The following CENATAC variants were observed in gnomAD, a reference collection of about 807,000 sequenced individuals.
The protein encoded by CENATAC is coiled-coil domain containing 84.
CENATAC carries 53 observed loss-of-function variants against 53.7 expected under a neutral mutation model. The observed-to-expected ratio is 0.99, with a 90% CI of 0.79 to 1.24. CENATAC has a LOEUF of 1.24. CENATAC is among the 50% of genes most tolerant of loss of function. The pLI is 0.00. For missense variants in CENATAC, 474 were observed against 417.8 expected, an observed-to-expected ratio of 1.13 and a Z score of -1.17; for synonymous variants, 156 against 144.6, an observed-to-expected ratio of 1.08 and a Z score of -0.57.
At chr11:118,998,677 C>T (rs947502069) in intron 2 of CENATAC, 84 bp downstream of exon 2, 81 of 1,463,114 alleles carry the variant, frequency 5.5e-5, no homozygotes, top group Non-Finnish European at 6.8e-5. Context: ...AAAAAGGACG[C>T]TTTTGTGATT....
rs782705067 is a variant in CENATAC, at chr11:119,015,341, C to T, written c.840C>T (p.Asp280=). The T allele has an allele frequency of 1.2e-6, 2 of 1,613,902 alleles. No individual in the cohort carries two copies. The highest frequency in any genetic ancestry group is 1.3e-5 in the African/African-American group (1 of 75,026). ...AGAAGTTGAAAAAACTCCCCCCAGACCGAGTTGGGGCCAACTTTGATCACA... is the reference window on the plus strand; with the variant it reads ...AGAAGTTGAAAAAACTCCCCCCAGATCGAGTTGGGGCCAACTTTGATCACA... ...EKQKLKKLPP[D]RVGANFDHSS... The change falls in exon 10 of 11, where the codon GAC becomes GAT. Residue 280 remains aspartate, a synonymous_variant. Transcript: ENST00000334418.
rs554114123 is a variant in CENATAC at position 118,998,320 on chromosome 11, G to A, written c.120+3G>A. On this transcript the variant is annotated splice_donor_region_variant and intron_variant, in intron 1 of 10. Coordinates refer to ENST00000334418, the MANE Select transcript of CENATAC (RefSeq NM_198489.3). Reference sequence around the variant, plus strand: ...CTTTGGAGAGGCTCCTGCCCCAGGTGCGGAGGCAAGGCTAGAGATGGGATG... The same window carrying A: ...CTTTGGAGAGGCTCCTGCCCCAGGTACGGAGGCAAGGCTAGAGATGGGATG... The A allele has an allele frequency of 6.2e-7, 1 of 1,610,390 alleles. No homozygotes were observed. Among genetic ancestry groups the A allele is most frequent in the South Asian group, 1.1e-5 (1 of 90,520 alleles).
intron 7 of CENATAC, chr11:119,012,550 A>C: frequency 1.5e-5 from 4 of 261,920 alleles, no homozygotes; most frequent in African/African-American, 2.2e-5. Context: ...AACCCCCACC[A>C]CTCCTATATT....
At chr11:119,013,210 T>C in intron 7 of CENATAC, 22 bp from the exon 8 acceptor site, 14 of 1,598,234 alleles carry the variant, frequency 8.8e-6, no homozygotes, top group Non-Finnish European at 1.2e-5. Context: ...ACTAGCACTT[T>C]TTTTCCCATT....
intron 3 of CENATAC, chr11:118,999,319 G>A (rs1352953581): frequency 2.0e-6 from 1 of 510,474 alleles, no homozygotes; most frequent in Non-Finnish European, 3.5e-6. Flanking sequence ...AGCAAATAGA[G>A]AACAATACTA....
At position 119,013,353 on chromosome 11, in the gene CENATAC, T is replaced by C; in HGVS notation, c.715+91T>C. On this transcript the variant is annotated intron_variant, in intron 8 of 10. Transcript: ENST00000334418. Reference sequence around the variant, plus strand: ...GTTCTGTCGCCAGGCTGGAGTGCAGTGGCGCAATCTCAGCTCGCTGCAACC... The same window carrying C: ...GTTCTGTCGCCAGGCTGGAGTGCAGCGGCGCAATCTCAGCTCGCTGCAACC... 3 of 944,596 alleles carry C rather than the reference T, an allele frequency of 3.2e-6. No homozygotes were observed. The South Asian group carries it at 4.5e-5, about 14-fold the overall frequency. The allele number at this position is 944,596 out of a possible 1,614,324, so 58.5% of individuals were successfully genotyped here.
chr11:119,012,949 T>C, intron 7 of CENATAC: 1 of 370,576 alleles, frequency 2.7e-6, no homozygotes, highest in Non-Finnish European at 4.8e-6. Flanking sequence ...TCCCCAATTA[T>C]ATGTATGCTG....
At position 119,012,146 on chromosome 11, in the gene CENATAC, C is replaced by G. The variant is rs369511504; in HGVS notation, c.579-3C>G. On this transcript the variant is annotated splice_polypyrimidine_tract_variant and splice_region_variant and intron_variant, in intron 6 of 10. Transcript: ENST00000334418. The stretch of plus-strand genomic sequence containing the variant: ...ATCTGGCAGCCTGGCTCATGTTTTT[C>G]AGCCAAGTAGCTTCCAGCTTACAGC... The G allele has an allele frequency of 1.9e-6, 3 of 1,614,166 alleles. No individual in the cohort carries two copies. The highest frequency in any genetic ancestry group is 3.3e-5 in the Admixed American group (2 of 60,010).
chr11:119,012,592 C>T (rs1942921752), intron 7 of CENATAC: 1 of 227,644 alleles, frequency 4.4e-6, no homozygotes, highest in Non-Finnish European at 8.8e-6. Flanking sequence ...CTTTCCTTTT[C>T]CATCTCCCAT....
Position 119,015,332 on chromosome 11 carries a change from C to T in CENATAC, c.831C>T (p.Leu277=). 6.2e-7 allele frequency: 1 copy of T among 1,612,794 alleles called. No individual in the cohort carries two copies. ...AGGAAAAACAGAAGTTGAAAAAACT[C>T]CCCCCAGACCGAGTTGGGGCCAACT... ...KEKEKQKLKK[L]PPDRVGANFD... Residue 277 remains leucine (L), a synonymous_variant, in exon 10 of 11, where the codon CTC becomes CTT. Transcript: ENST00000334418.
At chr11:119,011,073 C>CGGCAGT in intron 4 of CENATAC, 148 bp from the exon 5 acceptor site, 1 of 680,464 alleles carries the variant, frequency 1.5e-6, no homozygotes, top group Non-Finnish European at 2.5e-6. Context: ...GGAGCTCAGG[C>CGGCAGT]GGCAGTGCTG....
chr11:118,998,653 T>G, intron 2 of CENATAC, 60 bp downstream of exon 2: 2 of 1,516,666 alleles, frequency 1.3e-6, no homozygotes, highest in East Asian at 4.9e-5. Context: ...GGAGGAGGGT[T>G]TGGGGTGGGT....
chr11:119,013,304 T>C (rs781973945), intron 8 of CENATAC, 42 bp downstream of exon 8: 16 of 1,550,490 alleles, frequency 1.0e-5, no homozygotes, highest in Non-Finnish European at 1.2e-5. Flanking sequence ...GGGAGATTTT[T>C]TTTTTTTTTT....
intron 3 of CENATAC, among the ~76,000 whole-genome samples, chr11:119,007,481 C>CT (rs1291775323): frequency 6.6e-6 from 1 of 151,910 alleles, no homozygotes; most frequent in Non-Finnish European, 1.5e-5. Context: ...CTAATCTGGC[C>CT]TTTTTATTTA....
rs1168793966 is a variant in CENATAC, at chr11:119,015,681, G to C, written c.*83G>C. 2 of 1,435,110 alleles carry C rather than the reference G, an allele frequency of 1.4e-6. No homozygotes were observed. The highest frequency in any genetic ancestry group is 1.4e-5 in the African/African-American group (1 of 70,822). 88.9% of individuals were successfully genotyped at this position (1,435,110 alleles called of 1,614,324 possible). A position where few individuals can be genotyped will look rare whatever the true frequency, so the allele number is the denominator to read the frequency against. On this transcript the variant is annotated 3_prime_UTR_variant, in exon 11 of 11. Coordinates refer to ENST00000334418, the MANE Select transcript of CENATAC (RefSeq NM_198489.3). ...ACCTTCCACCAAATTCTTTATCATT[G>C]TCTTTCTTAGGAAACAGACATACTC...
intron 3 of CENATAC, among the ~76,000 whole-genome samples, chr11:119,000,586 T>A (rs1331919181): frequency 1.3e-5 from 2 of 151,826 alleles, no homozygotes; most frequent in Non-Finnish European, 2.9e-5. Context: ...CAAAACCCTG[T>A]CTCTACTAAA....
intron 3 of CENATAC, chr11:119,001,655 C>T (rs1166257114): frequency 6.6e-6 from 3 of 455,944 alleles, no homozygotes; most frequent in East Asian, 7.0e-5. Flanking sequence ...TGTTGCAAAT[C>T]TCCAAAAAAA....
chr11:119,015,564 C>T lies in CENATAC; in HGVS notation c.965C>T (p.Ala322Val). 1 of 1,614,074 alleles carries T rather than the reference C, an allele frequency of 6.2e-7. No individual in the cohort carries two copies. The highest frequency in any genetic ancestry group is 2.2e-5 in the East Asian group (1 of 44,880). The change falls in exon 11 of 11, where the codon GCA becomes GTA. Residue 322 changes from alanine (A) to valine (V), a missense_variant. Transcript: ENST00000334418. The stretch of plus-strand genomic sequence containing the variant: ...CATCAATTCAAAACTGAAGCTGCAG[C>T]AATGAAGAAGCAGTCACATACAGAA... ...SRHQFKTEAA[A>V]MKKQSHTEKS
chr11:119,012,403 CCT>C lies in CENATAC; in HGVS notation c.684+152_684+153del, dbSNP rs1410984578. On this transcript the variant is annotated intron_variant, in intron 7 of 10. Coordinates refer to ENST00000334418, the MANE Select transcript of CENATAC (RefSeq NM_198489.3). ...ACTGTTCCCTAGTAGTGTTCTCAGA[CCT>C]CTTCTCACCCTCCAAAGCGATCCTA... The C allele has an allele frequency of 2.9e-5, 23 of 796,400 alleles. No homozygotes were observed. In the East Asian group the frequency reaches 5.5e-4, roughly 19 times the overall value. 49.3% of individuals were successfully genotyped at this position (796,400 alleles called of 1,614,324 possible).
Sources: gnomAD v4.1 joint callset for allele counts (sites outside exome capture counted in the v4.1 genomes callset) on GRCh38, gnomAD v4.1.1 for gene constraint, MANE v1.5 for transcripts, NCBI Gene and HGNC (gene_info 2026-07-23, HGNC 2026-07-21) for gene names.